OXR1: variants seen among roughly 807,000 people sequenced by gnomAD.
OXR1 encodes oxidation resistance protein 1.
A neutral mutation model predicts 104.6 loss-of-function variants in OXR1; 41 were observed. The observed-to-expected ratio is 0.39, with a 90% CI of 0.31 to 0.51. OXR1 has a LOEUF of 0.51. Among genes scored for constraint, OXR1 ranks in the 20% least tolerant of loss-of-function variants. The probability of loss-of-function intolerance (pLI) is 0.77; values close to 1 mark genes in which losing one functional copy is unlikely to be tolerated. For synonymous variants in OXR1, 348 were observed against 348.4 expected, an observed-to-expected ratio of 1.00 and a Z score of 0.01; for missense variants, 955 against 1,031.9, an observed-to-expected ratio of 0.93 and a Z score of 1.02.
intron 6 of OXR1, among the ~76,000 whole-genome samples, chr8:106,689,529 T>C (rs929720470): frequency 6.6e-6 from 1 of 152,038 alleles, no homozygotes; most frequent in African/African-American, 2.4e-5. Flanking sequence ...AAATTATAAT[T>C]ATAGAGAATT....
intron 2 of OXR1, among the ~76,000 whole-genome samples, chr8:106,489,559 T>C (rs978308496): frequency 7.2e-5 from 11 of 152,186 alleles, no homozygotes; most frequent in African/African-American, 2.7e-4. Flanking sequence ...ATTGGTTGCT[T>C]GATTTTGCCA....
At chr8:106,603,824 G>A (rs1820149749) in intron 3 of OXR1, among the ~76,000 whole-genome samples, 1 of 151,988 alleles carries the variant, frequency 6.6e-6, no homozygotes, top group Admixed American at 6.6e-5. Flanking sequence ...AGGCTGAGGC[G>A]GGTGGATCAC....
chr8:106,297,682 C>T (rs998273091), intron 1 of OXR1, among the ~76,000 whole-genome samples: 3 of 152,112 alleles, frequency 2.0e-5, no homozygotes, highest in African/African-American at 7.2e-5. Context: ...GTCATCATGC[C>T]ATGTATGACT....
At chr8:106,274,627 C>T (rs1010523494) in intron 1 of OXR1, among the ~76,000 whole-genome samples, 5 of 142,800 alleles carry the variant, frequency 3.5e-5, no homozygotes, top group Non-Finnish European at 7.6e-5. Flanking sequence ...GCCCTTTCTC[C>T]TGTGCATACA....
chr8:106,346,040 G>C (rs776970111), intron 1 of OXR1, among the ~76,000 whole-genome samples: 1 of 152,130 alleles, frequency 6.6e-6, no homozygotes, highest in Non-Finnish European at 1.5e-5. Flanking sequence ...TGGAATCATT[G>C]GAATGAAGAT....
chr8:106,436,707 C>A (rs1048918514), intron 2 of OXR1, among the ~76,000 whole-genome samples: 9 of 152,150 alleles, frequency 5.9e-5, no homozygotes, highest in African/African-American at 1.9e-4. Flanking sequence ...TTCTCTCTGT[C>A]AGCTACCTTC....
intron 3 of OXR1, among the ~76,000 whole-genome samples, chr8:106,521,448 G>A (rs947519221): frequency 6.6e-6 from 1 of 152,120 alleles, no homozygotes; most frequent in African/African-American, 2.4e-5. Context: ...ATGTTCTCTT[G>A]TGACCCGTCA....
intron 3 of OXR1, chr8:106,657,887 G>A: frequency 1.6e-6 from 2 of 1,223,580 alleles, no homozygotes; most frequent in African/African-American, 3.2e-5. Flanking sequence ...CGCCTCCCCT[G>A]GGTCAGGTCT....
At chr8:106,526,581 C>T (rs1003192627) in intron 3 of OXR1, among the ~76,000 whole-genome samples, 15 of 152,224 alleles carry the variant, frequency 9.9e-5, no homozygotes, top group East Asian at 3.8e-4. Flanking sequence ...CTCGCTCTGT[C>T]GCCCAGGCTG....
intron 2 of OXR1, among the ~76,000 whole-genome samples, chr8:106,499,163 C>T (rs1315443235): frequency 9.3e-5 from 1 of 10,758 alleles, no homozygotes; most frequent in Non-Finnish European, 2.4e-4. Context: ...AGCGAGACTC[C>T]GTCTCAAAAA....
intron 2 of OXR1, among the ~76,000 whole-genome samples, chr8:106,371,312 C>T (rs975616496): frequency 1.3e-5 from 2 of 151,644 alleles, no homozygotes; most frequent in South Asian, 2.1e-4. Context: ...GCCTAGCTAG[C>T]AGTCTATTTT....
At chr8:106,556,173 G>T (rs1253506473) in intron 3 of OXR1, among the ~76,000 whole-genome samples, 6 of 151,944 alleles carry the variant, frequency 3.9e-5, no homozygotes, top group African/African-American at 1.5e-4. Flanking sequence ...ACTGCTTAAT[G>T]GATATGATAC....
At chr8:106,593,666 A>T (rs559812945) in intron 3 of OXR1, among the ~76,000 whole-genome samples, 3 of 152,204 alleles carry the variant, frequency 2.0e-5, no homozygotes, top group African/African-American at 7.2e-5. Flanking sequence ...GGTCCCAGCT[A>T]CTCGGGAGGC....
chr8:106,683,012 G>A (rs1372489580), intron 4 of OXR1, among the ~76,000 whole-genome samples, 187 bp from the exon 5 acceptor site: 1 of 152,124 alleles, frequency 6.6e-6, no homozygotes, highest in Non-Finnish European at 1.5e-5. Flanking sequence ...CCTTTACTCT[G>A]TATTGTAATA....
Position 106,523,838 on chromosome 8 carries a change from G to A in OXR1, c.220+4699G>A, listed in dbSNP as rs924033250. Among the ~76,000 whole-genome samples the A allele has an allele frequency of 1.1e-4, 16 of 151,398 alleles. No individual in the cohort carries two copies. In the East Asian group the frequency reaches 2.0e-3, roughly 19 times the overall value. Reference sequence around the variant, plus strand: ...TGCCCAGGCTGGAGTGCAGTGGCACGATCTCGGCTCACTGCAAGCTCTACC... The same window carrying A: ...TGCCCAGGCTGGAGTGCAGTGGCACAATCTCGGCTCACTGCAAGCTCTACC... On this transcript the variant is annotated intron_variant, in intron 3 of 16. Transcript: ENST00000517566.
chr8:106,506,955 G>A (rs1812205272), intron 2 of OXR1, among the ~76,000 whole-genome samples: 1 of 151,946 alleles, frequency 6.6e-6, no homozygotes, highest in African/African-American at 2.4e-5. Flanking sequence ...TGGGCACAGT[G>A]GTGTGCCCCT....
intron 16 of OXR1, among the ~76,000 whole-genome samples, chr8:106,749,561 A>G (rs1563772683): frequency 6.6e-6 from 1 of 152,128 alleles, no homozygotes; most frequent in Non-Finnish European, 1.5e-5. Context: ...GACTTAACTA[A>G]GTTTGACATA....
At chr8:106,449,152 T>G (rs151319385) in intron 2 of OXR1, among the ~76,000 whole-genome samples, 106 of 152,268 alleles carry the variant, frequency 7.0e-4, no homozygotes, top group African/African-American at 2.4e-3. Context: ...GCCTGACTTA[T>G]ATTTTAGGGG....
chr8:106,540,822 A>G lies in OXR1; in HGVS notation c.220+21683A>G, dbSNP rs146610195. ...GGCAAACTCCTGTTTTGTGAAAACC[A>G]TCAGATCTCGTGAGACTCATTCACT... is the stretch of plus-strand genomic sequence containing the variant. On this transcript the variant is annotated intron_variant, in intron 3 of 16. Coordinates refer to ENST00000517566, the MANE Select transcript of OXR1 (RefSeq NM_001198533.2). Among the ~76,000 whole-genome samples, 3 of 152,340 alleles carry G rather than the reference A, an allele frequency of 2.0e-5. No individual in the cohort carries two copies. In the East Asian group the frequency reaches 5.8e-4, roughly 29 times the overall value.
Sources: gnomAD v4.1 joint callset for allele counts (sites outside exome capture counted in the v4.1 genomes callset) on GRCh38, gnomAD v4.1.1 for gene constraint, MANE v1.5 for transcripts, NCBI Gene and HGNC (gene_info 2026-07-23, HGNC 2026-07-21) for gene names.